Variants in SGMS2 observed in about 807,000 individuals in gnomAD.
SGMS2 encodes sphingomyelin synthase 2, also known as phosphatidylcholine:ceramide cholinephosphotransferase 2.
SGMS2 carries 21 observed loss-of-function variants against 43.8 expected under a neutral mutation model. The observed-to-expected ratio is 0.48, with a 90% CI of 0.34 to 0.69. SGMS2 has a LOEUF of 0.69. Among genes scored for constraint, SGMS2 ranks in the 30% least tolerant of loss-of-function variants. The pLI, the probability that SGMS2 is intolerant of heterozygous loss-of-function variation, is 0.01. For synonymous variants in SGMS2, 167 were observed against 160.6 expected (o/e 1.04, Z -0.30); for missense variants, 384 against 443.2 (o/e 0.87, Z 1.20).
At chr4:107,845,443 AC>A (rs1055666704) in intron 1 of SGMS2, among the ~76,000 whole-genome samples, 5 of 152,152 alleles carry the variant, frequency 3.3e-5, no homozygotes, top group African/African-American at 1.2e-4. Flanking sequence ...TGTGGTTTGT[AC>A]CCCAACATTC....
intron 1 of SGMS2, among the ~76,000 whole-genome samples, chr4:107,855,118 A>G (rs1727350506): frequency 6.6e-6 from 1 of 152,222 alleles, no homozygotes; most frequent in Admixed American, 6.5e-5. Flanking sequence ...CATTTAACAA[A>G]TACATATAAT....
chr4:107,824,722 T>G (rs993736789), upstream of SGMS2: 2 of 151,748 alleles, frequency 1.3e-5, no homozygotes, highest in African/African-American at 4.8e-5. Context: ...GTCGCGCAGG[T>G]TTTTCGAGCT....
chr4:107,885,438 A>G (rs550929194), intron 2 of SGMS2, among the ~76,000 whole-genome samples: 5 of 152,338 alleles, frequency 3.3e-5, no homozygotes, highest in African/African-American at 1.2e-4. Flanking sequence ...AGAAGTATGT[A>G]TAGTTAGGCT....
chr4:107,890,315 AAGAG>A (rs895519814), intron 2 of SGMS2, among the ~76,000 whole-genome samples: 3 of 152,126 alleles, frequency 2.0e-5, no homozygotes, highest in Non-Finnish European at 2.9e-5. Context: ...CAGAGGGTGA[AAGAG>A]AAAGGAGAGA....
At chr4:107,896,040 A>G in intron 3 of SGMS2, 32 bp downstream of exon 3, 3 of 1,581,926 alleles carry the variant, frequency 1.9e-6, no homozygotes, top group Non-Finnish European at 2.6e-6. Context: ...AGGATTTGTC[A>G]TGGGTTTGTT....
At chr4:107,869,664 G>T (rs1008257530) in intron 2 of SGMS2, among the ~76,000 whole-genome samples, 2 of 151,982 alleles carry the variant, frequency 1.3e-5, no homozygotes, top group East Asian at 3.9e-4. Context: ...AATGGCATTA[G>T]GGTCATGTTG....
At chr4:107,850,652 A>G (rs1482904108) in intron 1 of SGMS2, among the ~76,000 whole-genome samples, 1 of 152,142 alleles carries the variant, frequency 6.6e-6, no homozygotes, top group Non-Finnish European at 1.5e-5. Context: ...TTCCCTTCCT[A>G]TAGTACCTGA....
intron 5 of SGMS2, among the ~76,000 whole-genome samples, chr4:107,906,419 C>T (rs1045491080): frequency 6.6e-6 from 1 of 152,132 alleles, no homozygotes; most frequent in African/African-American, 2.4e-5. Flanking sequence ...GCTGTTAGTG[C>T]CAATCATCTG....
At chr4:107,874,574 T>A (rs1489981918) in intron 2 of SGMS2, among the ~76,000 whole-genome samples, 1 of 152,208 alleles carries the variant, frequency 6.6e-6, no homozygotes, top group Non-Finnish European at 1.5e-5. Flanking sequence ...TTAAGTACTA[T>A]GATGAATAAA....
At chr4:107,852,865 G>T (rs1727229480) in intron 1 of SGMS2, among the ~76,000 whole-genome samples, 1 of 151,996 alleles carries the variant, frequency 6.6e-6, no homozygotes, top group Non-Finnish European at 1.5e-5. Flanking sequence ...GCCCTGGAAA[G>T]CAGTGTAATA....
intron 2 of SGMS2, among the ~76,000 whole-genome samples, chr4:107,885,292 A>T (rs549357900): frequency 6.6e-6 from 1 of 152,262 alleles, no homozygotes; most frequent in Admixed American, 6.5e-5. Flanking sequence ...TTAGAAAATG[A>T]TTGTAATAAA....
intron 2 of SGMS2, among the ~76,000 whole-genome samples, chr4:107,877,911 TTC>T: frequency 7.6e-6 from 1 of 131,684 alleles, no homozygotes; most frequent in Non-Finnish European, 1.6e-5. Flanking sequence ...TCTTTTTCTT[TTC>T]TTTTTTTTTT....
chr4:107,886,662 C>G (rs1399106353), intron 2 of SGMS2: 1 of 152,086 alleles, frequency 6.6e-6, no homozygotes, highest in Non-Finnish European at 1.5e-5. Context: ...ACATTCTTTA[C>G]TTACCACAGG....
intron 1 of SGMS2, among the ~76,000 whole-genome samples, chr4:107,835,728 C>A (rs1199294390): frequency 6.6e-6 from 1 of 152,182 alleles, no homozygotes; most frequent in Non-Finnish European, 1.5e-5. Context: ...TCACTAGTAC[C>A]AGAAGGGTAT....
chr4:107,856,649 C>T (rs1389274891), intron 1 of SGMS2, among the ~76,000 whole-genome samples: 1 of 152,098 alleles, frequency 6.6e-6, no homozygotes, highest in Non-Finnish European at 1.5e-5. Flanking sequence ...AGAAAAACAT[C>T]CTCCAAGGAT....
intron 2 of SGMS2, among the ~76,000 whole-genome samples, chr4:107,891,525 T>C (rs1281708599): frequency 6.6e-6 from 1 of 152,068 alleles, no homozygotes; most frequent in African/African-American, 2.4e-5. Flanking sequence ...CTGAGGTTCA[T>C]TGTCTCATGC....
Position 107,850,853 on chromosome 4 carries a change from C to G in SGMS2, c.-326-7619C>G, listed in dbSNP as rs957192019. 3.9e-5 allele frequency among the ~76,000 whole-genome samples: 6 copies of G among 152,142 alleles called. No homozygotes were observed. The East Asian group carries it at 9.6e-4, about 24-fold the overall frequency. On this transcript the variant is annotated intron_variant, in intron 1 of 6. Transcript: ENST00000690982. ...CCAAATGCATTCATCTTCCCAACTT[C>G]TGGGGGCTTTGCTTTATTTTCCTTT...
At chr4:107,875,017 A>G (rs1182273000) in intron 2 of SGMS2, among the ~76,000 whole-genome samples, 4 of 152,218 alleles carry the variant, frequency 2.6e-5, no homozygotes, top group Non-Finnish European at 5.9e-5. Flanking sequence ...TTTATTTAAA[A>G]GCAACATAAC....
Position 107,895,607 on chromosome 4 carries a change from T to C in SGMS2, c.54T>C (p.Ser18=). The change falls in exon 3 of 7, where the codon AGT becomes AGC. Residue 18 remains serine (S), a synonymous_variant. Coordinates refer to ENST00000690982, the MANE Select transcript of SGMS2 (RefSeq NM_001375905.1). ...AAGAACATTTGGAAAATCAACCCAG[T>C]GATCCTACGAACACTTATGCAAGAC... ...KLEEHLENQP[S]DPTNTYARPA... 1 of 1,613,938 alleles carries C rather than the reference T, an allele frequency of 6.2e-7. No homozygotes were observed. The highest frequency in any genetic ancestry group is 1.1e-5 in the South Asian group (1 of 91,066).
Sources: allele counts gnomAD v4.1 joint callset (sites outside exome capture counted in the v4.1 genomes callset), GRCh38; gene constraint gnomAD v4.1.1; transcripts MANE v1.5; gene names NCBI Gene and HGNC (gene_info 2026-07-23, HGNC 2026-07-21).